The following BRD7 variants were observed in gnomAD, a reference collection of about 807,000 sequenced individuals.
The protein encoded by BRD7 is bromodomain-containing protein 7.
Under a neutral mutation model 82.1 loss-of-function variants are expected in BRD7, and 15 were observed. The ratio of observed to expected loss-of-function variants is 0.18; its 90% CI spans 0.12 to 0.28. The LOEUF (loss-of-function observed/expected upper bound fraction) is 0.28, where lower values mean the gene tolerates loss of function less well. Ranked by LOEUF, BRD7 falls within the 10% of genes least tolerant of loss-of-function variation. BRD7 has a pLI of 1.00. For missense variants in BRD7, 638 were observed against 779.9 expected (o/e 0.82, Z 2.17); for synonymous variants, 232 against 266.9 (o/e 0.87, Z 1.27).
intron 2 of BRD7, among the ~76,000 whole-genome samples, chr16:50,362,537 G>A (rs1232113141): frequency 1.0e-5 from 1 of 100,036 alleles, no homozygotes; most frequent in Non-Finnish European, 2.0e-5. Context: ...CAGCCAAAAG[G>A]TGGAAGCAAA....
At chr16:50,325,249 A>G (rs1291445685) in intron 11 of BRD7, among the ~76,000 whole-genome samples, 1 of 152,190 alleles carries the variant, frequency 6.6e-6, no homozygotes, top group East Asian at 1.9e-4. Flanking sequence ...CCACAGAAAC[A>G]TGCAATAAAG....
At position 50,320,751 on chromosome 16, in the gene BRD7, C is replaced by T; in HGVS notation, c.1524G>A (p.Gly508=). 1 of 1,614,052 alleles carries T rather than the reference C, an allele frequency of 6.2e-7. No homozygotes were observed. Among genetic ancestry groups the T allele is most frequent in the South Asian group, 1.1e-5 (1 of 91,090 alleles). Residue 508 remains glycine, a synonymous_variant, in exon 14 of 17, where the codon GGG becomes GGA. Transcript: ENST00000394688. ...EMEITEVEPP[G]RLDSSTQDRL... ...TGTCTTGAGTACTGGAGTCCAAACGCCCTGGTGGCTCTACTTCTGTAATCT... is the reference window on the plus strand; with the variant it reads ...TGTCTTGAGTACTGGAGTCCAAACGTCCTGGTGGCTCTACTTCTGTAATCT...
At chr16:50,362,370 G>A (rs1261050476) in intron 2 of BRD7, among the ~76,000 whole-genome samples, 2 of 152,204 alleles carry the variant, frequency 1.3e-5, no homozygotes, top group African/African-American at 4.8e-5. Context: ...CTTTGGTAAA[G>A]TTACTTAACC....
At chr16:50,323,133 A>G (rs66973381) in intron 12 of BRD7, among the ~76,000 whole-genome samples, 22,605 of 152,218 alleles carry the variant, frequency 0.15, 2,138 homozygotes, top group Non-Finnish European at 0.21. Flanking sequence ...ACTATCTCCA[A>G]CTGAACTAGA....
chr16:50,364,069 GAA>G (rs752041952), intron 2 of BRD7, among the ~76,000 whole-genome samples: 4 of 125,872 alleles, frequency 3.2e-5, no homozygotes, highest in Admixed American at 8.0e-5. Flanking sequence ...TCTCAAAAAG[GAA>G]AAAAAAAAAA....
chr16:50,362,209 C>T (rs887856507), intron 2 of BRD7, among the ~76,000 whole-genome samples: 1 of 152,186 alleles, frequency 6.6e-6, no homozygotes, highest in Non-Finnish European at 1.5e-5. Flanking sequence ...CTCTCAGGAG[C>T]CTCAGAACTA....
At chr16:50,358,423 G>C (rs1277471453) in intron 2 of BRD7, among the ~76,000 whole-genome samples, 1 of 151,044 alleles carries the variant, frequency 6.6e-6, no homozygotes, top group Non-Finnish European at 1.5e-5. Flanking sequence ...TTGAGCCCAG[G>C]AGGTGGAGGT....
chr16:50,322,011 T>C lies in BRD7; in HGVS notation c.1471A>G (p.Arg491Gly). The C allele has an allele frequency of 6.2e-7, 1 of 1,611,242 alleles. No homozygotes were observed. Among genetic ancestry groups the C allele is most frequent in the Non-Finnish European group, 8.5e-7 (1 of 1,179,418 alleles). ...MSLPEDEGHT[R>G]TLDTAKEMEI... ...ATTTCTTTTGCTGTGTCAAGTGTCC[T>C]AGTATGGCCTTCATCTTCAGGCAAT... Residue 491 changes from arginine to glycine, a missense_variant, in exon 13 of 17, where the codon AGG becomes GGG. Arg to Gly is a moderately radical substitution (Grantham distance 125, BLOSUM62 -2). Around this residue, in one of 3 missense-constraint regions of BRD7, gnomAD observed 402 missense variants for 500.8 expected, o/e 0.80. Transcript: ENST00000394688.
chr16:50,354,059 T>C lies in BRD7; in HGVS notation c.446+366A>G, dbSNP rs370345567. Among the ~76,000 whole-genome samples, 296 of 152,342 alleles carry C rather than the reference T, an allele frequency of 1.9e-3. 3 individuals are homozygous for C. The highest frequency in any genetic ancestry group is 5.8e-3 in the African/African-American group (242 of 41,584). On this transcript the variant is annotated intron_variant, in intron 4 of 16. Coordinates refer to ENST00000394688, the MANE Select transcript of BRD7 (RefSeq NM_013263.5). ...TTATTTTTTCTCCCATACTTAATAA[T>C]TGCTAAACATTTGTGGCATGATAAG...
In BRD7 at chr16:50,326,402, A is replaced by T; in HGVS notation, c.1088-11T>A. The T allele has an allele frequency of 6.5e-7, 1 of 1,549,430 alleles. No individual in the cohort carries two copies. The highest frequency in any genetic ancestry group is 8.8e-7 in the Non-Finnish European group (1 of 1,141,556). Reference sequence around the variant, plus strand: ...GGCAGTAGCCTGGCTCTACAACATAAAACAGAGCACAGTGAAGGAGGCCTA... The same window carrying T: ...GGCAGTAGCCTGGCTCTACAACATATAACAGAGCACAGTGAAGGAGGCCTA... On this transcript the variant is annotated splice_polypyrimidine_tract_variant and intron_variant, in intron 9 of 16. Coordinates refer to ENST00000394688, the MANE Select transcript of BRD7 (RefSeq NM_013263.5).
intron 6 of BRD7, among the ~76,000 whole-genome samples, chr16:50,337,259 T>C (rs906550522): frequency 1.4e-4 from 19 of 139,886 alleles, no homozygotes; most frequent in African/African-American, 2.9e-4. Context: ...CATTCTTCTT[T>C]TTTTTTTTTT....
chr16:50,321,419 T>G (rs1345122792), intron 13 of BRD7, among the ~76,000 whole-genome samples: 2 of 151,794 alleles, frequency 1.3e-5, no homozygotes, highest in African/African-American at 2.4e-5. Flanking sequence ...AAAAAAAATT[T>G]AGCTGGGCAT....
intron 6 of BRD7, among the ~76,000 whole-genome samples, chr16:50,337,846 G>T (rs1045152283): frequency 6.6e-6 from 1 of 151,324 alleles, no homozygotes; most frequent in African/African-American, 2.4e-5. Context: ...AATAACACAG[G>T]ATGGGTGGGG....
chr16:50,358,784 G>T (rs1351675858), intron 2 of BRD7, among the ~76,000 whole-genome samples: 2 of 152,144 alleles, frequency 1.3e-5, no homozygotes, highest in African/African-American at 4.8e-5. Flanking sequence ...TGGGGCTAGG[G>T]AGTCCAAAAG....
intron 7 of BRD7, 33 bp from the exon 8 acceptor site, chr16:50,333,730 A>AG (rs2037670979): frequency 1.4e-6 from 2 of 1,455,008 alleles, no homozygotes; most frequent in East Asian, 2.3e-5. Context: ...AGTAAAAAAA[A>AG]AACAAAGATA....
chr16:50,350,809 T>C (rs569032875), intron 4 of BRD7, among the ~76,000 whole-genome samples: 19 of 152,266 alleles, frequency 1.2e-4, no homozygotes, highest in Non-Finnish European at 2.8e-4. Context: ...GGCTGTACAC[T>C]AGAATCACAC....
chr16:50,327,727 G>A (rs1306210062), intron 9 of BRD7, among the ~76,000 whole-genome samples: 1 of 152,090 alleles, frequency 6.6e-6, no homozygotes, highest in African/African-American at 2.4e-5. Flanking sequence ...GATCATAGCT[G>A]TTCTTTTCCT....
chr16:50,329,883 T>C (rs886589480), intron 8 of BRD7, among the ~76,000 whole-genome samples: 1 of 150,198 alleles, frequency 6.7e-6, no homozygotes, highest in Non-Finnish European at 1.5e-5. Flanking sequence ...TATACACACA[T>C]ATGTCTACTG....
intron 6 of BRD7, 99 bp downstream of exon 6, chr16:50,339,877 A>T (rs202028266): frequency 5.2e-6 from 1 of 190,980 alleles, no homozygotes; most frequent in South Asian, 1.2e-4. Context: ...ACCTGCTAAT[A>T]AAATAAAATC....
Sources: gnomAD v4.1 joint callset for allele counts (sites outside exome capture counted in the v4.1 genomes callset) on GRCh38, gnomAD v4.1.1 for gene constraint, gnomAD v4.1.1 regional missense constraint, MANE v1.5 for transcripts, NCBI Gene and HGNC (gene_info 2026-07-23, HGNC 2026-07-21) for gene names.